SETD2: variants seen among roughly 807,000 people sequenced by gnomAD.
SETD2 encodes the protein SET domain containing 2, histone lysine methyltransferase.
SETD2 carries 31 observed loss-of-function variants against 242.1 expected under a neutral mutation model. That is an observed-to-expected ratio of 0.13 (90% confidence interval 0.10 to 0.17). The LOEUF is 0.17. SETD2 is among the 10% of genes least tolerant of loss of function. The probability of loss-of-function intolerance (pLI) is 1.00; values close to 1 mark genes in which losing one functional copy is unlikely to be tolerated. For missense variants in SETD2, 2,481 were observed against 3,046.3 expected (o/e 0.81, Z 4.37); for synonymous variants, 1,006 against 1,066.5 (o/e 0.94, Z 1.11).
chr3:47,091,563 G>A (rs968313700), intron 9 of SETD2, among the ~76,000 whole-genome samples: 3 of 152,190 alleles, frequency 2.0e-5, no homozygotes, highest in Non-Finnish European at 4.4e-5. Flanking sequence ...AGGAGTTCAA[G>A]ACCAGCCTGG....
intron 1 of SETD2, among the ~76,000 whole-genome samples, chr3:47,155,068 T>C (rs981391000): frequency 6.6e-6 from 1 of 151,898 alleles, no homozygotes; most frequent in Admixed American, 6.6e-5. Flanking sequence ...GGTTAGTACA[T>C]AGTAATAAAG....
intron 17 of SETD2, among the ~76,000 whole-genome samples, chr3:47,041,636 TAC>T (rs562296562): frequency 1.7e-4 from 26 of 151,000 alleles, no homozygotes; most frequent in South Asian, 4.2e-4. Context: ...GGTGTATATA[TAC>T]ACACACACAC....
In SETD2 at chr3:47,133,854, A is replaced by G. The variant is rs72895710; in HGVS notation, c.72-7191T>C. 2.2e-3 allele frequency among the ~76,000 whole-genome samples: 329 copies of G among 152,244 alleles called. 3 individuals are homozygous for G. The highest frequency in any genetic ancestry group is 7.1e-3 in the African/African-American group (296 of 41,530). On this transcript the variant is annotated intron_variant, in intron 1 of 20. Transcript: ENST00000409792. ...TAAAAATAAGCTACATAAAAACTAG[A>G]CTCTGGAGTATGAGATTACAGGGGT...
rs1318081365 is a variant in SETD2, at chr3:47,056,930, T to C, written c.6854A>G (p.Gln2285Arg). The change falls in exon 15 of 21, where the codon CAG (glutamine) becomes CGG (arginine). Residue 2285 changes from glutamine (Q) to arginine (R), a missense_variant. Transcript: ENST00000409792. ...SNQQSVSVQQ[Q>R]YSPAQSQATI... ...TGCTTGAGACTGTGCAGGAGAGTACTGCTGCTGTACACTGACAGACTGTTG... is the reference window on the plus strand; with the variant it reads ...TGCTTGAGACTGTGCAGGAGAGTACCGCTGCTGTACACTGACAGACTGTTG... 2 of 1,614,068 alleles carry C rather than the reference T, an allele frequency of 1.2e-6. No individual in the cohort carries two copies. Among genetic ancestry groups the C allele is most frequent in the African/African-American group, 2.7e-5 (2 of 74,952 alleles).
chr3:47,059,551 C>T (rs1377675641), intron 14 of SETD2, among the ~76,000 whole-genome samples: 2 of 151,660 alleles, frequency 1.3e-5, no homozygotes, highest in African/African-American at 4.9e-5. Context: ...TCCCGAGTAG[C>T]TGGGACTACA....
Position 47,122,838 on chromosome 3 carries a change from A to C in SETD2, c.1798T>G (p.Leu600Val), listed in dbSNP as rs372547666. 9.0e-5 allele frequency: 146 copies of C among 1,613,332 alleles called. No individual in the cohort carries two copies. Among genetic ancestry groups the C allele is most frequent in the Non-Finnish European group, 1.2e-4 (143 of 1,179,748 alleles). ...LQTPCSKGSE[L>V]RMINKNPERE... ...TCAGGATTTTTATTAATCATTCTTA[A>C]TTCACTACCTTTTGAACAAGGTGTC... Residue 600 changes from leucine (L) to valine (V), a missense_variant, in exon 3 of 21, where the codon TTA becomes GTA. Physicochemically the swap from Leu to Val is conservative, Grantham distance 32. Around this residue, in one of 17 missense-constraint regions of SETD2, gnomAD observed 1,300 missense variants for 1,259.2 expected, o/e 1.03. Transcript: ENST00000409792.
chr3:47,105,775 C>A (rs1305880898), intron 6 of SETD2: 16 of 463,542 alleles, frequency 3.5e-5, no homozygotes, highest in South Asian at 2.7e-4. Context: ...TGGTGGCGGG[C>A]GCCTGTAATC....
rs542975753 is a variant in SETD2 at position 47,106,135 on chromosome 3, G to GA, written c.4716-16dup. 6.2e-6 allele frequency: 10 copies of GA among 1,603,216 alleles called. No homozygotes were observed. The South Asian group carries it at 8.9e-5, about 14-fold the overall frequency. ...CAAAGGTGTTCCTGCAAACCAAAAG[G>GA]AAAAAAATAGCACTTCCTACCTAGG... On this transcript the variant is annotated splice_polypyrimidine_tract_variant and intron_variant, in intron 5 of 20. Coordinates refer to ENST00000409792, the MANE Select transcript of SETD2 (RefSeq NM_014159.7).
At chr3:47,163,655 C>G (rs1697574600) in intron 1 of SETD2, 199 bp downstream of exon 1, 1 of 330,702 alleles carries the variant, frequency 3.0e-6, no homozygotes, top group Admixed American at 5.3e-5. Context: ...CAACGCCGGG[C>G]CCAACCGCGG....
chr3:47,035,658 T>A (rs2038963861), intron 18 of SETD2, among the ~76,000 whole-genome samples: 4 of 152,232 alleles, frequency 2.6e-5, no homozygotes, highest in Admixed American at 2.6e-4. Context: ...TGAATCAAGA[T>A]TAATAGTTAC....
rs2107683166 is a variant in SETD2 at position 47,101,535 on chromosome 3, C to T, written c.4938G>A (p.Leu1646=). Residue 1646 remains leucine, a synonymous_variant, in exon 8 of 21, where the codon CTG becomes CTA. Transcript: ENST00000409792. ...ETQKWTVNGQ[L]RVGFFTTKLV... ...GTTTGGTGGTAAAAAACCCAACCCTCAGTTGTCCGTTCACAGTCCACTGAG... is the reference window on the plus strand; with the variant it reads ...GTTTGGTGGTAAAAAACCCAACCCTTAGTTGTCCGTTCACAGTCCACTGAG... The T allele has an allele frequency of 6.2e-7, 1 of 1,612,790 alleles. No homozygotes were observed. The highest frequency in any genetic ancestry group is 8.5e-7 in the Non-Finnish European group (1 of 1,178,970).
In SETD2 at chr3:47,074,489, C is replaced by T. The variant is rs140829253; in HGVS notation, c.6061-7371G>A. Among the ~76,000 whole-genome samples, 271 of 152,272 alleles carry T rather than the reference C, an allele frequency of 1.8e-3. 2 individuals carry two copies. Among genetic ancestry groups the T allele is most frequent in the African/African-American group, 6.3e-3 (262 of 41,530 alleles). On this transcript the variant is annotated intron_variant, in intron 12 of 20. Transcript: ENST00000409792. ...ATTATGGGTGTATTCTTGGTAAAGA[C>T]CATAGCTACTCACAAGGCAACTTGT...
At chr3:47,036,212 T>A (rs144033259) in intron 18 of SETD2, among the ~76,000 whole-genome samples, 1 of 152,278 alleles carries the variant, frequency 6.6e-6, no homozygotes, top group East Asian at 1.9e-4. Flanking sequence ...ATTAAAAAAA[T>A]ATTAGTCAGG....
At chr3:47,044,580 A>G (rs1200722849) in intron 16 of SETD2, among the ~76,000 whole-genome samples, 2 of 152,030 alleles carry the variant, frequency 1.3e-5, no homozygotes, top group African/African-American at 4.8e-5. Flanking sequence ...TGCTGATTTG[A>G]CCATGCTATT....
At position 47,083,962 on chromosome 3, in the gene SETD2, T is replaced by A; in HGVS notation, c.5818A>T (p.Ser1940Cys). 6.2e-7 allele frequency: 1 copy of A among 1,614,182 alleles called. No individual in the cohort carries two copies. The highest frequency in any genetic ancestry group is 8.5e-7 in the Non-Finnish European group (1 of 1,180,024). ...PQQLPECKVD[S>C]ETNIEASKLP... Reference sequence around the variant, plus strand: ...TTACTAGCTTCTATGTTGGTTTCACTATCAACTTTGCATTCAGGCAGCTGT... The same window carrying A: ...TTACTAGCTTCTATGTTGGTTTCACAATCAACTTTGCATTCAGGCAGCTGT... The change falls in exon 12 of 21, where the codon AGT (serine) becomes TGT (cysteine). Residue 1940 changes from serine (S) to cysteine (C), a missense_variant. Ser to Cys is a moderately radical substitution (Grantham distance 112). Around this residue, in one of 17 missense-constraint regions of SETD2, gnomAD observed 203 missense variants for 222.4 expected, o/e 0.91. Transcript: ENST00000409792.
chr3:47,127,334 G>A (rs1245307703), intron 1 of SETD2, among the ~76,000 whole-genome samples: 2 of 146,534 alleles, frequency 1.4e-5, no homozygotes, highest in Non-Finnish European at 3.0e-5. Flanking sequence ...CTCCAGCTGT[G>A]GTGATGGCTG....
intron 15 of SETD2, among the ~76,000 whole-genome samples, chr3:47,048,793 G>A (rs1399634144): frequency 2.0e-5 from 3 of 151,794 alleles, no homozygotes; most frequent in East Asian, 1.9e-4. Flanking sequence ...TCAGCCTCCC[G>A]AGTACCTGGG....
chr3:47,059,415 C>T (rs1214226884), intron 14 of SETD2, among the ~76,000 whole-genome samples: 14 of 149,934 alleles, frequency 9.3e-5, no homozygotes, highest in African/African-American at 2.2e-4. Flanking sequence ...TGCGCTCGGC[C>T]GCAAATTTTT....
intron 12 of SETD2, among the ~76,000 whole-genome samples, chr3:47,080,335 A>G (rs777965810): frequency 6.6e-6 from 1 of 152,208 alleles, no homozygotes; most frequent in Non-Finnish European, 1.5e-5. Flanking sequence ...GGAAATACCC[A>G]GACTTCATTC....
Sources: gnomAD v4.1 joint callset for allele counts (sites outside exome capture counted in the v4.1 genomes callset) on GRCh38, gnomAD v4.1.1 for gene constraint, gnomAD v4.1.1 regional missense constraint, MANE v1.5 for transcripts, NCBI Gene and HGNC (gene_info 2026-07-23, HGNC 2026-07-21) for gene names.